Variants in UBE2V1 observed in about 807,000 individuals in gnomAD.
The protein encoded by UBE2V1 is ubiquitin-conjugating enzyme E2 variant 1.
In UBE2V1, 15 loss-of-function variants were observed where a neutral mutation model predicts 19.6. That is an observed-to-expected ratio of 0.77 (90% confidence interval 0.51 to 1.18). UBE2V1 has a LOEUF of 1.18. UBE2V1 is among the 50% of genes most tolerant of loss of function. UBE2V1 has a pLI of 0.00. For missense variants in UBE2V1, 125 were observed against 184.8 expected, an observed-to-expected ratio of 0.68 and a Z score of 1.88; for synonymous variants, 60 against 60.7, an observed-to-expected ratio of 0.99 and a Z score of 0.05.
Position 50,082,382 on chromosome 20 carries a change from G to C in UBE2V1, c.*386C>G. ...TGCAGGGAGGGTGGGAGGCGGGAGG[G>C]TAAGGGGAGAAGGCAGAGACCCCAG... On this transcript the variant is annotated 3_prime_UTR_variant, in exon 4 of 4. Coordinates refer to ENST00000371674, the MANE Select transcript of UBE2V1 (RefSeq NM_001032288.3). 5.1e-6 allele frequency: 1 copy of C among 197,028 alleles called. No individual in the cohort carries two copies. The highest frequency in any genetic ancestry group is 1.1e-5 in the Non-Finnish European group (1 of 94,880). The allele number at this position is 197,028 out of a possible 1,614,324, so 12.2% of individuals were successfully genotyped here.
intron 1 of UBE2V1, among the ~76,000 whole-genome samples, chr20:50,107,911 C>G (rs1260275271): frequency 6.6e-6 from 1 of 152,196 alleles, no homozygotes; most frequent in Non-Finnish European, 1.5e-5. Flanking sequence ...GACTAAAAAA[C>G]TATTGAATGG....
intron 1 of UBE2V1, among the ~76,000 whole-genome samples, chr20:50,106,097 T>C (rs2080338410): frequency 6.6e-6 from 1 of 151,868 alleles, no homozygotes; most frequent in African/African-American, 2.4e-5. Flanking sequence ...AAAAAGTGAA[T>C]TATGAAAATG....
intron 2 of UBE2V1, among the ~76,000 whole-genome samples, chr20:50,094,010 A>AAAAAAAAAAAAAAAAAAAAAT (rs2079416552): frequency 1.1e-5 from 1 of 94,732 alleles, no homozygotes; most frequent in Admixed American, 1.3e-4. Flanking sequence ...AAAAAAAAAA[A>AAAAAAAAAAAAAAAAAAAAAT]AATAATAATA....
intron 1 of UBE2V1, among the ~76,000 whole-genome samples, chr20:50,109,726 T>C (rs1007472168): frequency 8.1e-5 from 10 of 123,238 alleles, no homozygotes; most frequent in Non-Finnish European, 1.3e-4. Context: ...TCCAGCCAGG[T>C]GACAGGGCGA....
At position 50,081,873 on chromosome 20, in the gene UBE2V1, G is replaced by A. The variant is rs558706247; in HGVS notation, c.*895C>T. 1.5e-4 allele frequency: 40 copies of A among 264,248 alleles called. No individual in the cohort carries two copies. In the East Asian group the frequency reaches 2.6e-3, roughly 17 times the overall value. 16.4% of individuals were successfully genotyped at this position (264,248 alleles called of 1,614,324 possible). A position where few individuals can be genotyped will look rare whatever the true frequency, so the allele number is the denominator to read the frequency against. ...ATGCATCAGCTGATGACAGCAGAGG[G>A]TGGCAGGGCTGAGGACCCAATATTC... On this transcript the variant is annotated 3_prime_UTR_variant, in exon 4 of 4. Coordinates refer to ENST00000371674, the MANE Select transcript of UBE2V1 (RefSeq NM_001032288.3).
upstream of UBE2V1, chr20:50,113,255 C>G (rs988252578): frequency 1.4e-6 from 1 of 697,800 alleles, no homozygotes; most frequent in Non-Finnish European, 2.0e-6. Flanking sequence ...GAGACCTGCA[C>G]GACCCGTGGC....
chr20:50,106,880 A>ACAAC (rs1569017255), intron 1 of UBE2V1, among the ~76,000 whole-genome samples: 10 of 135,664 alleles, frequency 7.4e-5, no homozygotes, highest in African/African-American at 2.4e-4. Context: ...ACAACAAAAA[A>ACAAC]AAAAAAACAA....
chr20:50,108,904 C>G (rs1020378026), intron 1 of UBE2V1: 4 of 983,652 alleles, frequency 4.1e-6, no homozygotes, highest in Non-Finnish European at 4.8e-6. Context: ...ACACTTCTTA[C>G]TAAAGCCCTT....
rs753499806 is a variant in UBE2V1 at position 50,082,916 on chromosome 20, TACA to T, written c.298-5_298-3del. On this transcript the variant is annotated splice_region_variant and splice_polypyrimidine_tract_variant and intron_variant, in intron 3 of 3. Transcript: ENST00000371674. The stretch of plus-strand genomic sequence containing the variant: ...CACTGATATGGCTCTTGGGTCCACC[TACA>T]ACAAGGCAAACAAAAGCAAATTACT... 3.7e-6 allele frequency: 6 copies of T among 1,604,508 alleles called. No individual in the cohort carries two copies. Among genetic ancestry groups the T allele is most frequent in the South Asian group, 3.3e-5 (3 of 90,626 alleles).
chr20:50,084,271 C>A lies in UBE2V1; in HGVS notation c.172-17G>T, dbSNP rs373194375. 1.2e-6 allele frequency: 2 copies of A among 1,610,280 alleles called. No individual in the cohort carries two copies. Among genetic ancestry groups the A allele is most frequent in the African/African-American group, 1.3e-5 (1 of 74,836 alleles). On this transcript the variant is annotated splice_polypyrimidine_tract_variant and intron_variant, in intron 2 of 3. Transcript: ENST00000371674. ...ATAAATTGTCTGGAAAAAAAGAGTA[C>A]GGAGATGTCACGCAATTACAAACAA...
At chr20:50,096,461 G>A (rs755182023) in intron 2 of UBE2V1, 7 of 1,282,784 alleles carry the variant, frequency 5.5e-6, no homozygotes, top group Non-Finnish European at 7.5e-6. Context: ...CACACTATGA[G>A]TCTAAACAGG....
chr20:50,086,765 C>A (rs1431578337), intron 2 of UBE2V1, among the ~76,000 whole-genome samples: 2 of 152,116 alleles, frequency 1.3e-5, no homozygotes, highest in African/African-American at 4.8e-5. Context: ...CAGACACACA[C>A]CTGAAGGGTC....
chr20:50,096,133 TC>T (rs1387413184), intron 2 of UBE2V1: 3 of 153,286 alleles, frequency 2.0e-5, no homozygotes, highest in African/African-American at 7.2e-5. Context: ...AGGCCACTTT[TC>T]CCCATCCTCA....
intron 1 of UBE2V1, among the ~76,000 whole-genome samples, chr20:50,111,735 C>G (rs2080765601): frequency 6.6e-6 from 1 of 152,154 alleles, no homozygotes; most frequent in African/African-American, 2.4e-5. Context: ...TCCTTGAGAC[C>G]GCAGAGTAGC....
At chr20:50,103,142 C>T (rs2869955) in intron 1 of UBE2V1, among the ~76,000 whole-genome samples, 43,209 of 152,122 alleles carry the variant, frequency 0.28, 6,164 homozygotes, top group Middle Eastern at 0.38. Context: ...AGTAAAACTT[C>T]ATCTGTTTTG....
At chr20:50,113,173 C>CG (rs761660348), upstream of UBE2V1, 18 of 1,265,668 alleles carry the variant, frequency 1.4e-5, no homozygotes, top group African/African-American at 2.6e-4. Context: ...TTCACCCCCC[C>CG]CTTACCCGTC....
At chr20:50,112,794 A>G (rs926459113) in intron 1 of UBE2V1, among the ~76,000 whole-genome samples, 4 of 152,048 alleles carry the variant, frequency 2.6e-5, no homozygotes, top group African/African-American at 9.6e-5. Context: ...CAGCCCCGGT[A>G]TCCTCAGGAG....
upstream of UBE2V1, chr20:50,113,170 C>A (rs549584264): frequency 1.0e-4 from 128 of 1,266,728 alleles, 1 homozygote; most frequent in East Asian, 2.0e-3. Context: ...TTCTTCACCC[C>A]CCCCTTACCC....
Position 50,113,129 on chromosome 20 carries a change from C to G in UBE2V1, c.-1G>C. The G allele has an allele frequency of 7.3e-7, 1 of 1,375,072 alleles. No homozygotes were observed. 85.2% of individuals were successfully genotyped at this position (1,375,072 alleles called of 1,614,324 possible). ...CACCCGAGCCCGTGGTGGCTGCCAT[C>G]TTGCGTCGCTCTTGCTTGAAGGCCG... is the stretch of plus-strand genomic sequence containing the variant. On this transcript the variant is annotated 5_prime_UTR_variant, in exon 1 of 4. Transcript: ENST00000371674.
Sources: allele counts gnomAD v4.1 joint callset (sites outside exome capture counted in the v4.1 genomes callset), GRCh38; gene constraint gnomAD v4.1.1; transcripts MANE v1.5; gene names NCBI Gene and HGNC (gene_info 2026-07-23, HGNC 2026-07-21).